The following STPG2 variants were observed in gnomAD, a reference collection of about 807,000 sequenced individuals.
The protein encoded by STPG2 is sperm tail PG-rich repeat containing 2.
STPG2 carries 56 observed loss-of-function variants against 54.2 expected under a neutral mutation model. The observed-to-expected ratio is 1.03, with a 90% confidence interval of 0.83 to 1.29. The LOEUF (loss-of-function observed/expected upper bound fraction) is 1.29, where lower values mean the gene tolerates loss of function less well. Ranked by LOEUF, STPG2 falls within the 50% of genes most tolerant of loss-of-function variation. STPG2 has a pLI of 0.00. For synonymous variants in STPG2, 200 were observed against 181.8 expected (o/e 1.10, Z -0.81); for missense variants, 596 against 544.9 (o/e 1.09, Z -0.93).
intron 5 of STPG2, among the ~76,000 whole-genome samples, chr4:97,998,102 T>G (rs1735300383): frequency 6.6e-6 from 1 of 152,160 alleles, no homozygotes; most frequent in African/African-American, 2.4e-5. Context: ...AGAACAATAA[T>G]GAGTCATGAT....
At chr4:98,082,005 C>T (rs1010621999) in intron 5 of STPG2, among the ~76,000 whole-genome samples, 3 of 152,120 alleles carry the variant, frequency 2.0e-5, no homozygotes, top group Non-Finnish European at 4.4e-5. Context: ...GTATTAAGAA[C>T]TGAGAAGCAT....
At position 97,971,538 on chromosome 4, in the gene STPG2, T is replaced by C. The variant is rs571711583; in HGVS notation, c.933+742A>G. Reference sequence around the variant, plus strand: ...CTGAAAACCATCATTCTCAGCAAACTAACACAAGGAAAGACGACCACACAC... The same window carrying C: ...CTGAAAACCATCATTCTCAGCAAACCAACACAAGGAAAGACGACCACACAC... On this transcript the variant is annotated intron_variant, in intron 7 of 10. Transcript: ENST00000295268. Among the ~76,000 whole-genome samples, 3 of 152,148 alleles carry C rather than the reference T, an allele frequency of 2.0e-5. No homozygotes were observed. In the South Asian group the frequency reaches 6.2e-4, roughly 32 times the overall value.
intron 8 of STPG2, among the ~76,000 whole-genome samples, chr4:97,867,578 A>G (rs1729837170): frequency 1.3e-5 from 2 of 152,080 alleles, no homozygotes; most frequent in Middle Eastern, 3.4e-3. Flanking sequence ...TGTTTTACCC[A>G]TTTTAGATGT....
At chr4:97,473,182 A>G (rs113521378) in intron 4 of STPG2, among the ~76,000 whole-genome samples, 3,215 of 152,296 alleles carry the variant, frequency 0.021, 46 homozygotes, top group Middle Eastern at 0.037. Flanking sequence ...GGCACCTTGA[A>G]AAAAGAACAG....
intron 4 of STPG2, among the ~76,000 whole-genome samples, chr4:97,477,480 T>G (rs897718881): frequency 6.8e-6 from 1 of 147,260 alleles, no homozygotes; most frequent in African/African-American, 2.5e-5. Context: ...TTTTTTGTTT[T>G]TTTTTTTTTT....
At chr4:97,761,574 C>T (rs193093279) in intron 9 of STPG2, among the ~76,000 whole-genome samples, 3 of 152,130 alleles carry the variant, frequency 2.0e-5, no homozygotes, top group Non-Finnish European at 2.9e-5. Flanking sequence ...GCTTATGGTA[C>T]TTAGTTATGG....
chr4:97,451,717 T>G (rs1245571010), intron 4 of STPG2, among the ~76,000 whole-genome samples: 1 of 152,146 alleles, frequency 6.6e-6, no homozygotes, highest in Admixed American at 6.5e-5. Flanking sequence ...CAAATCCAGA[T>G]GTATATAAAT....
At chr4:98,000,483 T>A (rs954858080) in intron 5 of STPG2, among the ~76,000 whole-genome samples, 1 of 152,248 alleles carries the variant, frequency 6.6e-6, no homozygotes, top group Middle Eastern at 3.4e-3. Flanking sequence ...TCATGATTGA[T>A]TGAATACAGA....
intron 7 of STPG2, among the ~76,000 whole-genome samples, chr4:97,946,338 G>A (rs1384599965): frequency 6.6e-6 from 1 of 152,078 alleles, no homozygotes; most frequent in African/African-American, 2.4e-5. Context: ...CTCCCATTCT[G>A]TGGGTTGTCT....
At chr4:97,615,613 T>A (rs940705124) in intron 10 of STPG2, among the ~76,000 whole-genome samples, 8 of 152,100 alleles carry the variant, frequency 5.3e-5, no homozygotes, top group South Asian at 4.2e-4. Flanking sequence ...AAACTTACCA[T>A]GGTACATGAT....
intron 4 of STPG2, among the ~76,000 whole-genome samples, chr4:97,451,800 A>T (rs561248256): frequency 1.3e-5 from 2 of 152,324 alleles, no homozygotes; most frequent in African/African-American, 4.8e-5. Context: ...TACTGCCATC[A>T]ATAATTCTTC....
At chr4:98,129,844 A>G (rs1739933450) in intron 2 of STPG2, among the ~76,000 whole-genome samples, 1 of 152,108 alleles carries the variant, frequency 6.6e-6, no homozygotes, top group Non-Finnish European at 1.5e-5. Flanking sequence ...ACGTACTATC[A>G]CTGGCAGAAT....
At chr4:97,933,476 C>T (rs1046507546) in intron 8 of STPG2, among the ~76,000 whole-genome samples, 1 of 152,106 alleles carries the variant, frequency 6.6e-6, no homozygotes, top group Non-Finnish European at 1.5e-5. Context: ...AGATTTTCCC[C>T]CAGGGTTTTT....
intron 8 of STPG2, among the ~76,000 whole-genome samples, chr4:97,843,520 C>T (rs1229269367): frequency 6.6e-6 from 1 of 151,914 alleles, no homozygotes; most frequent in Non-Finnish European, 1.5e-5. Flanking sequence ...ATCATCATTG[C>T]CATTGGCATT....
chr4:97,600,966 C>T lies in STPG2; in HGVS notation c.1321-41849G>A, dbSNP rs182745222. On this transcript the variant is annotated intron_variant, in intron 10 of 10. Transcript: ENST00000295268. The stretch of plus-strand genomic sequence containing the variant: ...TTTGGAGGTTATTGAAATAACCTAG[C>T]AAAGTGAGGATGACTATCACATATC... Among the ~76,000 whole-genome samples, 253 of 151,732 alleles carry T rather than the reference C, an allele frequency of 1.7e-3. 1 individual carries two copies. The highest frequency in any genetic ancestry group is 5.8e-3 in the African/African-American group (241 of 41,388).
chr4:97,998,901 T>C (rs1735326402), intron 5 of STPG2, among the ~76,000 whole-genome samples: 1 of 152,180 alleles, frequency 6.6e-6, no homozygotes, highest in Admixed American at 6.5e-5. Context: ...AGAAAGCATG[T>C]CCTGTTATGG....
chr4:97,990,682 A>G (rs1019740295), intron 5 of STPG2, among the ~76,000 whole-genome samples: 1 of 152,174 alleles, frequency 6.6e-6, no homozygotes, highest in Non-Finnish European at 1.5e-5. Context: ...TTCTAAGGAA[A>G]AAGACCCAGA....
intron 4 of STPG2, among the ~76,000 whole-genome samples, chr4:97,510,194 T>C (rs1344986165): frequency 2.0e-5 from 3 of 152,116 alleles, no homozygotes; most frequent in Non-Finnish European, 4.4e-5. Context: ...TTTACTCCTT[T>C]GATATGATAT....
chr4:97,920,225 C>G (rs1732044662), intron 8 of STPG2, among the ~76,000 whole-genome samples: 1 of 152,110 alleles, frequency 6.6e-6, no homozygotes, highest in East Asian at 1.9e-4. Context: ...ACTCATAAGT[C>G]CAGCAACCAA....
Sources: allele counts gnomAD v4.1 joint callset (sites outside exome capture counted in the v4.1 genomes callset), GRCh38; gene constraint gnomAD v4.1.1; transcripts MANE v1.5; gene names NCBI Gene and HGNC (gene_info 2026-07-23, HGNC 2026-07-21).